NOVA1: variants seen among roughly 807,000 people sequenced by gnomAD.
The protein encoded by NOVA1 is RNA-binding protein Nova-1.
In NOVA1, 7 loss-of-function variants were observed where a neutral mutation model predicts 38.0. That is an observed-to-expected ratio of 0.18 (90% confidence interval 0.10 to 0.35). The LOEUF is 0.35. Ranked by LOEUF, NOVA1 falls within the 10% of genes least tolerant of loss-of-function variation. The pLI is 1.00. For missense variants in NOVA1, 460 were observed against 616.0 expected, an observed-to-expected ratio of 0.75 and a Z score of 2.68; for synonymous variants, 270 against 232.5, an observed-to-expected ratio of 1.16 and a Z score of -1.47.
At chr14:26,498,847 T>G (rs529769500) in intron 2 of NOVA1, among the ~76,000 whole-genome samples, 1 of 152,316 alleles carries the variant, frequency 6.6e-6, no homozygotes, top group South Asian at 2.1e-4. Flanking sequence ...TTATAAACAT[T>G]TTAAAGCAGA....
chr14:26,541,423 C>A (rs61986523), intron 2 of NOVA1, among the ~76,000 whole-genome samples: 52,743 of 150,756 alleles, frequency 0.35, 11,141 homozygotes, highest in African/African-American at 0.6. Flanking sequence ...CCTATACAAT[C>A]TTACAATTCA....
At chr14:26,535,940 C>T (rs1179446993) in intron 2 of NOVA1, among the ~76,000 whole-genome samples, 1 of 148,972 alleles carries the variant, frequency 6.7e-6, no homozygotes, top group Non-Finnish European at 1.5e-5. Flanking sequence ...GATCACTCCA[C>T]TGCACTCCAG....
intron 2 of NOVA1, among the ~76,000 whole-genome samples, chr14:26,542,079 T>C (rs1890498817): frequency 1.3e-5 from 2 of 151,902 alleles, no homozygotes; most frequent in Admixed American, 6.6e-5. Context: ...ACCAGTCATA[T>C]TGGTGCAAGT....
At chr14:26,496,652 T>C (rs1027576706) in intron 2 of NOVA1, among the ~76,000 whole-genome samples, 6 of 152,202 alleles carry the variant, frequency 3.9e-5, no homozygotes, top group Non-Finnish European at 5.9e-5. Flanking sequence ...CTTTAATCCA[T>C]CTTGAATTGA....
intron 2 of NOVA1, among the ~76,000 whole-genome samples, chr14:26,505,104 C>A (rs1887545043): frequency 6.6e-6 from 1 of 151,966 alleles, no homozygotes; most frequent in Admixed American, 6.6e-5. Flanking sequence ...AAAAAATGAG[C>A]TCAAATATAA....
chr14:26,491,307 C>T (rs946559102), intron 2 of NOVA1, among the ~76,000 whole-genome samples: 4 of 151,980 alleles, frequency 2.6e-5, no homozygotes, highest in African/African-American at 7.2e-5. Context: ...GGGTTTTATT[C>T]GTTGAGTTTT....
At chr14:26,487,927 C>T (rs1398931645) in intron 2 of NOVA1, among the ~76,000 whole-genome samples, 1 of 152,030 alleles carries the variant, frequency 6.6e-6, no homozygotes, top group Non-Finnish European at 1.5e-5. Context: ...GATAAAATTG[C>T]CATTAAAAGT....
intron 2 of NOVA1, among the ~76,000 whole-genome samples, chr14:26,502,846 A>C (rs555434984): frequency 6.6e-6 from 1 of 152,078 alleles, no homozygotes; most frequent in Non-Finnish European, 1.5e-5. Flanking sequence ...CACTAGTTTC[A>C]TGTTTTTTGC....
intron 2 of NOVA1, among the ~76,000 whole-genome samples, chr14:26,572,479 C>T (rs1157925004): frequency 6.6e-6 from 1 of 152,122 alleles, no homozygotes; most frequent in East Asian, 1.9e-4. Flanking sequence ...GATTGAGCAT[C>T]TACTATGTGG....
chr14:26,455,249 G>A (rs1883066610), intron 4 of NOVA1, among the ~76,000 whole-genome samples: 2 of 151,956 alleles, frequency 1.3e-5, no homozygotes, highest in African/African-American at 4.8e-5. Flanking sequence ...TTAAACCTAG[G>A]AGCTATCTGT....
intron 2 of NOVA1, among the ~76,000 whole-genome samples, chr14:26,545,093 T>C (rs1890708943): frequency 6.6e-6 from 1 of 152,132 alleles, no homozygotes; most frequent in African/African-American, 2.4e-5. Context: ...GTTCAAATAT[T>C]TCCTGAGTTA....
At chr14:26,593,038 G>C (rs1213298661) in intron 2 of NOVA1, 1 of 151,644 alleles carries the variant, frequency 6.6e-6, no homozygotes, top group East Asian at 1.9e-4. Context: ...ATAAACATTA[G>C]GCATATTTGT....
At position 26,479,158 on chromosome 14, in the gene NOVA1, CTG is replaced by C. The variant is rs1292827732; in HGVS notation, c.447+817_447+818del. ...AATACATTTCTTTTGAAGCCATAGT[CTG>C]TGATAGTAAAATTACGTCACAAATT... On this transcript the variant is annotated intron_variant, in intron 3 of 4. Coordinates refer to ENST00000539517, the MANE Select transcript of NOVA1 (RefSeq NM_002515.3). The C allele has an allele frequency of 2.6e-5, 4 of 151,928 alleles. No homozygotes were observed. The East Asian group carries it at 5.8e-4, about 22-fold the overall frequency. 9.4% of individuals were successfully genotyped at this position (151,928 alleles called of 1,614,324 possible). A position where few individuals can be genotyped will look rare whatever the true frequency, so the allele number is the denominator to read the frequency against.
intron 4 of NOVA1, among the ~76,000 whole-genome samples, chr14:26,465,957 G>C (rs925833988): frequency 6.6e-6 from 1 of 152,012 alleles, no homozygotes; most frequent in Admixed American, 6.6e-5. Context: ...AAAACAGCAC[G>C]ATAAAGGGAA....
chr14:26,569,189 T>C (rs1364335908), intron 2 of NOVA1, among the ~76,000 whole-genome samples: 1 of 152,174 alleles, frequency 6.6e-6, no homozygotes, highest in African/African-American at 2.4e-5. Flanking sequence ...TAGAGTATTT[T>C]AAAATAAGTA....
chr14:26,596,937 G>A, intron 1 of NOVA1: 1 of 1,196,250 alleles, frequency 8.4e-7, no homozygotes, highest in Non-Finnish European at 1.0e-6. Context: ...TCTTCGGGCG[G>A]CCATCACCTC....
At chr14:26,523,252 T>C (rs1594460055) in intron 2 of NOVA1, among the ~76,000 whole-genome samples, 1 of 152,230 alleles carries the variant, frequency 6.6e-6, no homozygotes, top group African/African-American at 2.4e-5. Flanking sequence ...CTTCTGACCA[T>C]TGCTTTCTCG....
intron 3 of NOVA1, among the ~76,000 whole-genome samples, chr14:26,475,968 C>T (rs925052639): frequency 9.2e-5 from 14 of 152,048 alleles, no homozygotes; most frequent in Non-Finnish European, 1.5e-4. Flanking sequence ...GTGAAAACAG[C>T]GACGAACAAC....
At chr14:26,509,543 G>T (rs1478360098) in intron 2 of NOVA1, among the ~76,000 whole-genome samples, 1 of 152,104 alleles carries the variant, frequency 6.6e-6, no homozygotes, top group Non-Finnish European at 1.5e-5. Context: ...ACAGAAGAGA[G>T]ATTTTATAGA....
Sources: gnomAD v4.1 joint callset for allele counts (sites outside exome capture counted in the v4.1 genomes callset) on GRCh38, gnomAD v4.1.1 for gene constraint, MANE v1.5 for transcripts, NCBI Gene and HGNC (gene_info 2026-07-23, HGNC 2026-07-21) for gene names.